Variants in NLGN1 observed in about 807,000 individuals in gnomAD.
The protein encoded by NLGN1 is neuroligin 1.
NLGN1 carries 12 observed loss-of-function variants against 65.5 expected under a neutral mutation model. The ratio of observed to expected loss-of-function variants is 0.18; its 90% CI spans 0.12 to 0.30. The LOEUF is 0.30. NLGN1 is among the 10% of genes least tolerant of loss of function. The probability of loss-of-function intolerance (pLI) is 1.00; values close to 1 mark genes in which losing one functional copy is unlikely to be tolerated. For synonymous variants in NLGN1, 350 were observed against 359.5 expected (o/e 0.97, Z 0.30); for missense variants, 750 against 1,007.1 (o/e 0.74, Z 3.46).
chr3:173,666,835 A>G (rs1449046459), intron 3 of NLGN1, among the ~76,000 whole-genome samples: 1 of 152,198 alleles, frequency 6.6e-6, no homozygotes, highest in Non-Finnish European at 1.5e-5. Flanking sequence ...TAAAAACAAC[A>G]TAGTTTTTAA....
chr3:173,428,705 T>C (rs917198729), intron 1 of NLGN1, among the ~76,000 whole-genome samples: 3 of 152,140 alleles, frequency 2.0e-5, no homozygotes, highest in African/African-American at 7.2e-5. Context: ...TAGAGTATTC[T>C]GCATTTGTAT....
At chr3:173,642,836 G>T (rs1357928087) in intron 3 of NLGN1, among the ~76,000 whole-genome samples, 1 of 152,116 alleles carries the variant, frequency 6.6e-6, no homozygotes, top group Admixed American at 6.5e-5. Flanking sequence ...TGCAAAAAAA[G>T]TACTTATGTA....
chr3:174,261,852 C>T (rs887923457), intron 4 of NLGN1, among the ~76,000 whole-genome samples: 25 of 148,452 alleles, frequency 1.7e-4, no homozygotes, highest in African/African-American at 4.6e-4. Context: ...TTTTGAAATA[C>T]GTCCCATCAA....
intron 4 of NLGN1, among the ~76,000 whole-genome samples, chr3:174,134,129 G>A (rs2152677927): frequency 6.6e-6 from 1 of 152,254 alleles, no homozygotes; most frequent in Middle Eastern, 3.4e-3. Flanking sequence ...AAAACGAAAA[G>A]AAACAGTTGC....
chr3:173,547,089 G>A (rs1226766975), intron 2 of NLGN1, among the ~76,000 whole-genome samples: 1 of 152,098 alleles, frequency 6.6e-6, no homozygotes, highest in African/African-American at 2.4e-5. Flanking sequence ...TGGCATACTT[G>A]TTAATTAAAC....
upstream of NLGN1, chr3:173,396,758 A>G (rs1716689406): frequency 6.6e-6 from 1 of 152,218 alleles, no homozygotes; most frequent in Non-Finnish European, 1.5e-5. Flanking sequence ...GATTGCCGAG[A>G]ACTTCCTATT....
Position 173,432,267 on chromosome 3 carries a change from G to A in NLGN1, c.-389-2743G>A, listed in dbSNP as rs1394648147. Among the ~76,000 whole-genome samples, 4 of 152,162 alleles carry A rather than the reference G, an allele frequency of 2.6e-5. No individual in the cohort carries two copies. The South Asian group carries it at 8.3e-4, about 32-fold the overall frequency. The stretch of plus-strand genomic sequence containing the variant: ...CAGGGGGTGTGATGGCTGGATCATC[G>A]GGTACGAGTATAAGTACTTCTGTAA... On this transcript the variant is annotated intron_variant, in intron 1 of 6. Coordinates refer to ENST00000457714, the Ensembl canonical transcript of NLGN1.
At chr3:173,984,436 A>G (rs1393218222) in intron 4 of NLGN1, among the ~76,000 whole-genome samples, 1 of 152,216 alleles carries the variant, frequency 6.6e-6, no homozygotes, top group Non-Finnish European at 1.5e-5. Flanking sequence ...CCTAGAAATA[A>G]TGCAAGATAT....
intron 2 of NLGN1, among the ~76,000 whole-genome samples, chr3:173,512,631 A>G (rs967644618): frequency 6.6e-6 from 1 of 152,194 alleles, no homozygotes; most frequent in Non-Finnish European, 1.5e-5. Flanking sequence ...TTATTCAGAA[A>G]GAACCAATCG....
chr3:174,251,644 C>T (rs956244428), intron 4 of NLGN1, among the ~76,000 whole-genome samples: 18 of 152,142 alleles, frequency 1.2e-4, no homozygotes, highest in African/African-American at 4.1e-4. Context: ...ACATTATTTT[C>T]TGTAGAATTT....
intron 4 of NLGN1, among the ~76,000 whole-genome samples, chr3:174,159,501 A>G (rs955103748): frequency 6.6e-6 from 1 of 151,814 alleles, no homozygotes; most frequent in African/African-American, 2.4e-5. Context: ...TCAGTAATGG[A>G]TGAAAAAGAA....
chr3:173,659,543 T>C (rs1760604635), intron 3 of NLGN1, among the ~76,000 whole-genome samples: 2 of 151,934 alleles, frequency 1.3e-5, no homozygotes, highest in Non-Finnish European at 2.9e-5. Flanking sequence ...CATTTAGCAC[T>C]TAGAAACTTC....
At chr3:173,951,370 A>G (rs1331253257) in intron 4 of NLGN1, among the ~76,000 whole-genome samples, 1 of 152,010 alleles carries the variant, frequency 6.6e-6, no homozygotes, top group South Asian at 2.1e-4. Context: ...TTTGATTAGT[A>G]TATTAATAAC....
intron 3 of NLGN1, among the ~76,000 whole-genome samples, chr3:173,615,663 A>G (rs891928668): frequency 1.3e-5 from 2 of 152,038 alleles, no homozygotes; most frequent in Admixed American, 6.6e-5. Context: ...AACCAAAACT[A>G]TAATTATATC....
At chr3:174,205,292 G>C (rs1212584784) in intron 4 of NLGN1, among the ~76,000 whole-genome samples, 4 of 151,968 alleles carry the variant, frequency 2.6e-5, no homozygotes, top group Non-Finnish European at 4.4e-5. Flanking sequence ...TTAGCTTGAG[G>C]TTAAAGTTAA....
chr3:173,895,910 G>A (rs544047556), intron 4 of NLGN1, among the ~76,000 whole-genome samples: 5 of 152,086 alleles, frequency 3.3e-5, no homozygotes, highest in Admixed American at 2.6e-4. Context: ...GGCTGGTCTC[G>A]AACTCCTGAC....
chr3:173,433,632 A>G (rs555560793), intron 1 of NLGN1, among the ~76,000 whole-genome samples: 2 of 151,200 alleles, frequency 1.3e-5, no homozygotes, highest in South Asian at 4.2e-4. Context: ...TCTTTTTTCT[A>G]TTTTCTCCCT....
intron 4 of NLGN1, among the ~76,000 whole-genome samples, chr3:174,019,003 C>T (rs1325024749): frequency 2.6e-5 from 4 of 151,908 alleles, no homozygotes; most frequent in Non-Finnish European, 5.9e-5. Flanking sequence ...ATGATCACAA[C>T]AATGTTCATT....
chr3:173,952,405 A>G (rs941934001), intron 4 of NLGN1, among the ~76,000 whole-genome samples: 3 of 151,942 alleles, frequency 2.0e-5, no homozygotes, highest in Non-Finnish European at 4.4e-5. Context: ...TCTTCGTGAC[A>G]TTTTTTTTAT....
Sources: gnomAD v4.1 joint callset for allele counts (sites outside exome capture counted in the v4.1 genomes callset) on GRCh38, gnomAD v4.1.1 for gene constraint, MANE v1.5 for transcripts, NCBI Gene and HGNC (gene_info 2026-07-23, HGNC 2026-07-21) for gene names.